The following ADAM32 variants were observed in gnomAD, a reference collection of about 807,000 sequenced individuals.
ADAM32 encodes the protein ADAM metallopeptidase domain 32.
ADAM32 carries 89 observed loss-of-function variants against 114.9 expected under a neutral mutation model. The observed-to-expected ratio is 0.77, with a 90% CI of 0.65 to 0.92. The LOEUF (loss-of-function observed/expected upper bound fraction) is 0.92. ADAM32 is among the 40% of genes least tolerant of loss of function. ADAM32 has a pLI of 0.00. For synonymous variants in ADAM32, 285 were observed against 307.5 expected, an observed-to-expected ratio of 0.93 and a Z score of 0.77; for missense variants, 870 against 932.8, an observed-to-expected ratio of 0.93 and a Z score of 0.88.
chr8:39,276,387 G>A (rs1226653866), intron 22 of ADAM32: 5 of 152,062 alleles, frequency 3.3e-5, no homozygotes, highest in African/African-American at 1.2e-4. Context: ...CCTGAAAGGT[G>A]GATGTCTTTT....
intron 2 of ADAM32, among the ~76,000 whole-genome samples, chr8:39,125,419 G>T (rs1252257749): frequency 6.6e-6 from 1 of 152,092 alleles, no homozygotes; most frequent in East Asian, 1.9e-4. Context: ...TGGTTTCACA[G>T]GTTCACAACT....
At chr8:39,199,312 C>T (rs960668285) in intron 11 of ADAM32, among the ~76,000 whole-genome samples, 3 of 152,190 alleles carry the variant, frequency 2.0e-5, no homozygotes, top group South Asian at 2.1e-4. Flanking sequence ...TATGCCTTTA[C>T]GTCTCTTCTC....
intron 20 of ADAM32, among the ~76,000 whole-genome samples, chr8:39,272,001 A>G (rs1812759724): frequency 1.3e-5 from 2 of 150,320 alleles, no homozygotes; most frequent in African/African-American, 4.9e-5. Context: ...GCATGGTGGC[A>G]TGAGCCTGTG....
At chr8:39,249,507 T>C (rs1811152809) in intron 17 of ADAM32, among the ~76,000 whole-genome samples, 2 of 152,176 alleles carry the variant, frequency 1.3e-5, no homozygotes, top group African/African-American at 4.8e-5. Context: ...GATGGCCTGA[T>C]AGAATGAGTG....
intron 14 of ADAM32, chr8:39,223,605 A>G (rs1809142026): frequency 6.8e-6 from 1 of 147,552 alleles, no homozygotes; most frequent in Non-Finnish European, 1.5e-5. Context: ...AAGTTGATTA[A>G]CATGTCCATC....
Position 39,128,188 on chromosome 8 carries a change from T to C in ADAM32, c.139-8469T>C, listed in dbSNP as rs563688184. 5.9e-5 allele frequency among the ~76,000 whole-genome samples: 9 copies of C among 152,338 alleles called. No individual in the cohort carries two copies. The South Asian group carries it at 1.9e-3, about 32-fold the overall frequency. The stretch of plus-strand genomic sequence containing the variant: ...TGTAGGTCTCTAAGATCTTGCTTTA[T>C]TAATCTGGTTGTGCCTGTATTGGGT... On this transcript the variant is annotated intron_variant, in intron 2 of 24. Coordinates refer to ENST00000379907, the MANE Select transcript of ADAM32 (RefSeq NM_145004.7).
At chr8:39,143,225 T>A (rs1803285399) in intron 3 of ADAM32, among the ~76,000 whole-genome samples, 1 of 152,222 alleles carries the variant, frequency 6.6e-6, no homozygotes, top group Admixed American at 6.5e-5. Flanking sequence ...GTCAAACTCA[T>A]TCTCCGTCCA....
At chr8:39,214,880 G>A (rs1808459550) in intron 12 of ADAM32, among the ~76,000 whole-genome samples, 1 of 151,984 alleles carries the variant, frequency 6.6e-6, no homozygotes, top group African/African-American at 2.4e-5. Context: ...GTGAGAGGGA[G>A]GGGTCTAGTT....
chr8:39,252,046 G>A (rs796492067), intron 17 of ADAM32, among the ~76,000 whole-genome samples: 19 of 151,726 alleles, frequency 1.3e-4, no homozygotes, highest in African/African-American at 2.7e-4. Context: ...ATTTGTAGCC[G>A]GATTCTTTAT....
At chr8:39,282,892 T>C (rs1290480066) in intron 23 of ADAM32, among the ~76,000 whole-genome samples, 2 of 152,006 alleles carry the variant, frequency 1.3e-5, no homozygotes, top group Non-Finnish European at 2.9e-5. Flanking sequence ...ATGGTCAGAG[T>C]AGTAGGAAAA....
intron 14 of ADAM32, among the ~76,000 whole-genome samples, chr8:39,226,172 TG>T (rs1809357760): frequency 1.3e-5 from 2 of 152,070 alleles, no homozygotes; most frequent in Admixed American, 1.3e-4. Flanking sequence ...ACAGATTACT[TG>T]TATATATACA....
chr8:39,108,342 G>A (rs905622763), intron 1 of ADAM32: 1 of 152,154 alleles, frequency 6.6e-6, no homozygotes, highest in Non-Finnish European at 1.5e-5. Context: ...GCCCAGGCTG[G>A]AGTGCAGTGG....
chr8:39,246,926 G>A (rs1460991388), intron 17 of ADAM32, among the ~76,000 whole-genome samples: 5 of 152,098 alleles, frequency 3.3e-5, no homozygotes, highest in African/African-American at 1.2e-4. Context: ...TTCTTTTCCA[G>A]AATGTCATTT....
At chr8:39,275,398 T>G (rs150429935) in intron 21 of ADAM32, among the ~76,000 whole-genome samples, 1 of 152,340 alleles carries the variant, frequency 6.6e-6, no homozygotes, top group East Asian at 1.9e-4. Flanking sequence ...TATTTCTCTG[T>G]GTGTGGTATA....
chr8:39,193,585 A>G (rs1291734915), intron 11 of ADAM32, among the ~76,000 whole-genome samples: 1 of 152,054 alleles, frequency 6.6e-6, no homozygotes, highest in Non-Finnish European at 1.5e-5. Context: ...TGGCTTTTTG[A>G]GTTGTCCGAG....
chr8:39,236,583 C>T (rs1029441395), intron 16 of ADAM32, among the ~76,000 whole-genome samples: 1 of 152,090 alleles, frequency 6.6e-6, no homozygotes, highest in African/African-American at 2.4e-5. Flanking sequence ...ATCCCCTACT[C>T]CCCCACAAAA....
intron 6 of ADAM32, among the ~76,000 whole-genome samples, chr8:39,152,321 A>G (rs909036025): frequency 6.6e-6 from 1 of 152,150 alleles, no homozygotes; most frequent in Non-Finnish European, 1.5e-5. Flanking sequence ...GAAAGAGAAA[A>G]TTTTTATACC....
chr8:39,210,958 A>G (rs1808165810), intron 11 of ADAM32, among the ~76,000 whole-genome samples, 186 bp from the exon 12 acceptor site: 1 of 152,094 alleles, frequency 6.6e-6, no homozygotes. Flanking sequence ...ATTTTGTTTT[A>G]TTAAGAACAT....
rs561255597 is a variant in ADAM32 at position 39,215,973 on chromosome 8, G to T, written c.1233+4649G>T. Reference sequence around the variant, plus strand: ...ATTTTATTGATTTTCTGTCTGGAAGGTCTGCTGAGTGCTAAAAGTGGGATG... The same window carrying T: ...ATTTTATTGATTTTCTGTCTGGAAGTTCTGCTGAGTGCTAAAAGTGGGATG... On this transcript the variant is annotated intron_variant, in intron 12 of 24. Transcript: ENST00000379907. 2.0e-5 allele frequency among the ~76,000 whole-genome samples: 3 copies of T among 151,996 alleles called. No homozygotes were observed. The East Asian group carries it at 5.8e-4, about 29-fold the overall frequency.
Sources: allele counts gnomAD v4.1 joint callset (sites outside exome capture counted in the v4.1 genomes callset), GRCh38; gene constraint gnomAD v4.1.1; transcripts MANE v1.5; gene names NCBI Gene and HGNC (gene_info 2026-07-23, HGNC 2026-07-21).